The following CSMD3 variants were observed in gnomAD, a reference collection of about 807,000 sequenced individuals.
The protein encoded by CSMD3 is CUB and Sushi multiple domains 3.
CSMD3 carries 177 observed loss-of-function variants against 435.2 expected under a neutral mutation model. The observed-to-expected ratio is 0.41, with a 90% CI of 0.36 to 0.46. The LOEUF (loss-of-function observed/expected upper bound fraction) is 0.46, where lower values mean the gene tolerates loss of function less well. CSMD3 is among the 20% of genes least tolerant of loss of function. CSMD3 has a pLI of 0.34. For missense variants in CSMD3, 4,265 were observed against 4,504.6 expected (o/e 0.95, Z 1.52); for synonymous variants, 1,656 against 1,520.5 (o/e 1.09, Z -2.07).
At chr8:112,804,714 G>A (rs1383871214) in intron 12 of CSMD3, among the ~76,000 whole-genome samples, 1 of 151,376 alleles carries the variant, frequency 6.6e-6, no homozygotes, top group Non-Finnish European at 1.5e-5. Flanking sequence ...CACTAGGCTG[G>A]AGTGCATTGG....
chr8:112,250,402 T>C (rs1195513556), intron 63 of CSMD3, among the ~76,000 whole-genome samples: 1 of 151,702 alleles, frequency 6.6e-6, no homozygotes, highest in Admixed American at 6.6e-5. Context: ...TATTTATAGA[T>C]TTAATAATTG....
chr8:112,402,588 C>T (rs1413826945), intron 35 of CSMD3, among the ~76,000 whole-genome samples: 3 of 151,966 alleles, frequency 2.0e-5, no homozygotes, highest in African/African-American at 7.2e-5. Context: ...TTATCTAAGT[C>T]CTTCTATTTT....
intron 32 of CSMD3, among the ~76,000 whole-genome samples, chr8:112,435,393 T>A (rs1303057404): frequency 6.6e-6 from 1 of 152,056 alleles, no homozygotes. Context: ...CACTTAGAAT[T>A]AAGTAATTTG....
intron 1 of CSMD3, among the ~76,000 whole-genome samples, chr8:113,350,752 T>C (rs2094184771): frequency 1.3e-5 from 2 of 152,116 alleles, no homozygotes; most frequent in South Asian, 4.1e-4. Context: ...TCTTTGTGCA[T>C]TTTCCATTAG....
At chr8:113,073,959 A>T (rs1454753654) in intron 5 of CSMD3, among the ~76,000 whole-genome samples, 1 of 151,938 alleles carries the variant, frequency 6.6e-6, no homozygotes, top group East Asian at 1.9e-4. Flanking sequence ...ATCCAAGTAT[A>T]TTGCGTACAT....
intron 5 of CSMD3, among the ~76,000 whole-genome samples, chr8:113,066,005 GATAA>G (rs1409756999): frequency 2.7e-5 from 4 of 148,892 alleles, no homozygotes; most frequent in Non-Finnish European, 4.4e-5. Flanking sequence ...TTTATACAGT[GATAA>G]ATAAACAAAT....
chr8:113,312,128 A>G (rs1009735383), intron 2 of CSMD3: 1 of 152,138 alleles, frequency 6.6e-6, no homozygotes, highest in Non-Finnish European at 1.5e-5. Context: ...ACATAGAATT[A>G]TATATATTGA....
chr8:112,433,654 C>CAAAAAAAA (rs35572894), intron 32 of CSMD3, among the ~76,000 whole-genome samples: 35 of 93,052 alleles, frequency 3.8e-4, no homozygotes, highest in Admixed American at 5.8e-4. Context: ...GAGAACCTGT[C>CAAAAAAAA]AAAAAAAAAA....
In CSMD3 at chr8:112,352,348, A is replaced by G. The variant is rs1346265876; in HGVS notation, c.6255+68T>C. ...ATGTTGTAAAACCCGTGGCTTATCAATCATTGATTTGTAAAATATTCTGAA... is the reference window on the plus strand; with the variant it reads ...ATGTTGTAAAACCCGTGGCTTATCAGTCATTGATTTGTAAAATATTCTGAA... On this transcript the variant is annotated intron_variant, in intron 39 of 70. Transcript: ENST00000297405. 15 of 1,605,330 alleles carry G rather than the reference A, an allele frequency of 9.3e-6. No homozygotes were observed. The East Asian group carries it at 3.4e-4, about 36-fold the overall frequency.
At chr8:112,584,976 C>G (rs150531583) in intron 23 of CSMD3, among the ~76,000 whole-genome samples, 1 of 151,452 alleles carries the variant, frequency 6.6e-6, no homozygotes, top group Non-Finnish European at 1.5e-5. Flanking sequence ...GAGGGTTCAT[C>G]TTTCTGCTTG....
intron 13 of CSMD3, among the ~76,000 whole-genome samples, chr8:112,770,941 T>C (rs1462199367): frequency 6.6e-6 from 1 of 152,028 alleles, no homozygotes; most frequent in African/African-American, 2.4e-5. Flanking sequence ...AAGCTGTATG[T>C]CAATTCTAAT....
intron 10 of CSMD3, among the ~76,000 whole-genome samples, chr8:112,886,240 A>T (rs534556298): frequency 6.6e-6 from 1 of 151,790 alleles, no homozygotes; most frequent in East Asian, 2.0e-4. Flanking sequence ...AAATTGTTTG[A>T]CATTGTGTCT....
intron 5 of CSMD3, among the ~76,000 whole-genome samples, chr8:113,096,786 T>C (rs759777255): frequency 2.3e-4 from 35 of 149,934 alleles, no homozygotes; most frequent in Non-Finnish European, 4.3e-4. Flanking sequence ...TATTTTGCTC[T>C]AGATGTCATT....
At chr8:112,989,241 G>C (rs1246128569) in intron 6 of CSMD3, among the ~76,000 whole-genome samples, 2 of 151,972 alleles carry the variant, frequency 1.3e-5, no homozygotes, top group Non-Finnish European at 2.9e-5. Flanking sequence ...AAAAAGACCT[G>C]ATATATGGCA....
chr8:112,758,198 C>G (rs2077748828), intron 13 of CSMD3, among the ~76,000 whole-genome samples: 1 of 149,808 alleles, frequency 6.7e-6, no homozygotes, highest in African/African-American at 2.5e-5. Context: ...ACTGAAAATA[C>G]AAAAAATTAG....
intron 32 of CSMD3, among the ~76,000 whole-genome samples, chr8:112,422,547 C>T (rs1428529683): frequency 6.6e-6 from 1 of 152,150 alleles, no homozygotes; most frequent in Non-Finnish European, 1.5e-5. Flanking sequence ...TTTGCTACTT[C>T]CTGGTGTGTG....
chr8:113,358,894 T>C (rs879583067), intron 1 of CSMD3, among the ~76,000 whole-genome samples: 1 of 152,128 alleles, frequency 6.6e-6, no homozygotes, highest in Non-Finnish European at 1.5e-5. Context: ...AAAAAGGCTA[T>C]GTAGCAAATT....
chr8:112,391,149 T>C (rs1830377586), intron 35 of CSMD3, among the ~76,000 whole-genome samples: 1 of 152,186 alleles, frequency 6.6e-6, no homozygotes, highest in African/African-American at 2.4e-5. Context: ...TATTTGGTAC[T>C]TTCTCCTTCA....
At chr8:112,293,745 AATC>A (rs2130699413) in intron 54 of CSMD3, among the ~76,000 whole-genome samples, 1 of 152,242 alleles carries the variant, frequency 6.6e-6, no homozygotes, top group South Asian at 2.1e-4. Flanking sequence ...TCACTCTATT[AATC>A]AGAGCAACTT....
Sources: gnomAD v4.1 joint callset for allele counts (sites outside exome capture counted in the v4.1 genomes callset) on GRCh38, gnomAD v4.1.1 for gene constraint, MANE v1.5 for transcripts, NCBI Gene and HGNC (gene_info 2026-07-23, HGNC 2026-07-21) for gene names.